The following CELF4 variants were observed in gnomAD, a reference collection of about 807,000 sequenced individuals.
CELF4 encodes the protein CUGBP Elav-like family member 4, also known as CUG-BP- and ETR-3-like factor 4.
Under a neutral mutation model 59.9 loss-of-function variants are expected in CELF4, and 18 were observed. The ratio of observed to expected loss-of-function variants is 0.30; its 90% CI spans 0.21 to 0.45. The LOEUF (loss-of-function observed/expected upper bound fraction) is 0.45, where lower values mean the gene tolerates loss of function less well. Ranked by LOEUF, CELF4 falls within the 20% of genes least tolerant of loss-of-function variation. The probability of loss-of-function intolerance (pLI) is 1.00; values close to 1 mark genes in which losing one functional copy is unlikely to be tolerated. For synonymous variants in CELF4, 261 were observed against 267.1 expected, an observed-to-expected ratio of 0.98 and a Z score of 0.22; for missense variants, 456 against 689.0, an observed-to-expected ratio of 0.66 and a Z score of 3.79.
chr18:37,426,614 G>A (rs1486002724), intron 2 of CELF4, among the ~76,000 whole-genome samples: 1 of 152,166 alleles, frequency 6.6e-6, no homozygotes, highest in Non-Finnish European at 1.5e-5. Context: ...GGGGCTGATC[G>A]CTTCTGCACC....
At chr18:37,317,101 T>C (rs944538170) in intron 3 of CELF4, among the ~76,000 whole-genome samples, 1 of 152,156 alleles carries the variant, frequency 6.6e-6, no homozygotes, top group Admixed American at 6.5e-5. Flanking sequence ...TTAAACATAT[T>C]TCCGGCCGGG....
At chr18:37,343,329 C>CTGTGTGTGTGTG (rs5824051) in intron 2 of CELF4, among the ~76,000 whole-genome samples, 134 of 127,050 alleles carry the variant, frequency 1.1e-3, no homozygotes, top group African/African-American at 3.4e-3. Context: ...GGTGTTGATT[C>CTGTGTGTGTGTG]TGTGTGTGTG....
intron 2 of CELF4, among the ~76,000 whole-genome samples, chr18:37,465,485 T>G (rs1393474657): frequency 6.6e-6 from 1 of 152,078 alleles, no homozygotes; most frequent in South Asian, 2.1e-4. Flanking sequence ...GAGGGCTCTG[T>G]GTACCAGCAC....
In CELF4 at chr18:37,253,883, G is replaced by C. The variant is rs768962943; in HGVS notation, c.1389C>G (p.Asn463Lys). The change falls in exon 12 of 13, where the codon AAC becomes AAG. Residue 463 changes from asparagine to lysine, a missense_variant. Physicochemically the swap from Asn to Lys is moderately conservative, Grantham distance 94. Around this residue, in one of 7 missense-constraint regions of CELF4, gnomAD observed 256 missense variants for 340.8 expected, o/e 0.75. Transcript: ENST00000420428. The surrounding 1 kb of genome is among the most constrained non-coding windows in gnomAD (Gnocchi z 4.5). ...ASAQTAIQAM[N>K]GFQIGMKRLK... ...GCCTCTTCATGCCGATCTGGAAGCC[G>C]TTCATGGCCTGGATGGCGGTCTGCG... 1 of 1,609,022 alleles carries C rather than the reference G, an allele frequency of 6.2e-7. No individual in the cohort carries two copies.
chr18:37,326,921 G>A (rs975255407), intron 2 of CELF4, among the ~76,000 whole-genome samples: 1 of 152,110 alleles, frequency 6.6e-6, no homozygotes, highest in African/African-American at 2.4e-5. Flanking sequence ...AACTTAAGCT[G>A]GGACATACCC....
At chr18:37,278,643 G>T (rs2154374969) in intron 3 of CELF4, among the ~76,000 whole-genome samples, 1 of 152,346 alleles carries the variant, frequency 6.6e-6, no homozygotes, top group East Asian at 1.9e-4. Flanking sequence ...CCCCTACTTG[G>T]GTTTCTCCGT....
intron 11 of CELF4, 122 bp downstream of exon 11, chr18:37,259,059 T>G (rs1166762353): frequency 6.7e-7 from 1 of 1,499,728 alleles, no homozygotes; most frequent in Non-Finnish European, 9.1e-7. Flanking sequence ...CGGACACCGG[T>G]AGGTTGGTGC....
chr18:37,529,839 C>G (rs116059207), intron 1 of CELF4, among the ~76,000 whole-genome samples: 275 of 152,290 alleles, frequency 1.8e-3, no homozygotes, highest in African/African-American at 6.0e-3. Context: ...GAAAAATGTA[C>G]GTGCCTGGAC....
chr18:37,395,129 G>A (rs2099227174), intron 2 of CELF4, among the ~76,000 whole-genome samples: 1 of 152,030 alleles, frequency 6.6e-6, no homozygotes, highest in Admixed American at 6.6e-5. Context: ...CCCTCACCAT[G>A]TCACCTCGTC....
intron 1 of CELF4, among the ~76,000 whole-genome samples, chr18:37,558,771 T>C (rs2099985675): frequency 6.6e-6 from 1 of 151,550 alleles, no homozygotes; most frequent in Non-Finnish European, 1.5e-5. Flanking sequence ...TGCAGTATTC[T>C]GCTTGGAGGG....
chr18:37,548,579 C>G (rs1273814554), intron 1 of CELF4, among the ~76,000 whole-genome samples: 1 of 152,178 alleles, frequency 6.6e-6, no homozygotes, highest in Non-Finnish European at 1.5e-5. Context: ...TGAGCCGGAC[C>G]CTCAGAGCTG....
intron 10 of CELF4, 141 bp from the exon 11 acceptor site, chr18:37,259,405 C>G: frequency 3.3e-6 from 2 of 612,072 alleles, no homozygotes; most frequent in South Asian, 3.9e-5. Context: ...CATTCCAGAT[C>G]CAAGGGCGCC....
intron 2 of CELF4, among the ~76,000 whole-genome samples, chr18:37,407,963 G>GA (rs1220181636): frequency 6.6e-5 from 10 of 151,772 alleles, no homozygotes; most frequent in Non-Finnish European, 1.0e-4. Flanking sequence ...TTGATTTTGG[G>GA]AAAAAAAAGG....
intron 2 of CELF4, among the ~76,000 whole-genome samples, chr18:37,459,893 C>T (rs1202776449): frequency 6.6e-6 from 1 of 152,170 alleles, no homozygotes; most frequent in African/African-American, 2.4e-5. Flanking sequence ...ATGCTTTCTT[C>T]TAAATACATA....
At chr18:37,539,780 G>T (rs1422436125) in intron 1 of CELF4, among the ~76,000 whole-genome samples, 3 of 151,954 alleles carry the variant, frequency 2.0e-5, no homozygotes, top group African/African-American at 7.3e-5. Context: ...CTGAAAAACG[G>T]ATTTTTAAAT....
At chr18:37,521,429 A>G (rs1423430188) in intron 1 of CELF4, among the ~76,000 whole-genome samples, 1 of 152,150 alleles carries the variant, frequency 6.6e-6, no homozygotes, top group South Asian at 2.1e-4. Flanking sequence ...TATAAACTAT[A>G]TCAACTTGAG....
chr18:37,427,601 T>A (rs1415342357), intron 2 of CELF4, among the ~76,000 whole-genome samples: 1 of 152,094 alleles, frequency 6.6e-6, no homozygotes, highest in African/African-American at 2.4e-5. Context: ...TGACCTCATC[T>A]CCTCTTGCAT....
Position 37,485,615 on chromosome 18 carries a change from G to A in CELF4, c.287-8C>T, listed in dbSNP as rs990196514. 8 of 1,439,940 alleles carry A rather than the reference G, an allele frequency of 5.6e-6. No homozygotes were observed. Among genetic ancestry groups the A allele is most frequent in the Middle Eastern group, 2.1e-4 (1 of 4,800 alleles). The allele number at this position is 1,439,940 out of a possible 1,614,324, so 89.2% of individuals were successfully genotyped here. ...AGGTGAGGAAGGCGCAGCCTGGGGA[G>A]GAAAGCAAGCGCCAAGAAGGGTCAG... On this transcript the variant is annotated splice_region_variant and splice_polypyrimidine_tract_variant and intron_variant, in intron 1 of 12. Coordinates refer to ENST00000420428, the MANE Select transcript of CELF4 (RefSeq NM_020180.4).
chr18:37,344,303 A>AAGCAACCCGTGAAACACAG (rs1401169908), intron 2 of CELF4, among the ~76,000 whole-genome samples: 2 of 152,356 alleles, frequency 1.3e-5, no homozygotes, highest in South Asian at 2.1e-4. Context: ...TACACATGGC[A>AAGCAACCCGTGAAACACAG]AGCAACCCGT....
Sources: gnomAD v4.1 joint callset for allele counts (sites outside exome capture counted in the v4.1 genomes callset) on GRCh38, gnomAD v4.1.1 for gene constraint, gnomAD v4.1.1 regional missense constraint, Gnocchi (gnomAD v3.1) non-coding constraint, MANE v1.5 for transcripts, NCBI Gene and HGNC (gene_info 2026-07-23, HGNC 2026-07-21) for gene names.